Variants in SLCO5A1 observed in about 807,000 individuals in gnomAD.
SLCO5A1 encodes the protein organic anion transporter polypeptide-related protein 4.
In SLCO5A1, 39 loss-of-function variants were observed where a neutral mutation model predicts 65.1. The observed-to-expected ratio is 0.60, with a 90% CI of 0.46 to 0.78. SLCO5A1 has a LOEUF of 0.78. Ranked by LOEUF, SLCO5A1 falls within the 30% of genes least tolerant of loss-of-function variation. The pLI, the probability that SLCO5A1 is intolerant of heterozygous loss-of-function variation, is 0.00. For missense variants in SLCO5A1, 1,029 were observed against 1,069.4 expected (o/e 0.96, Z 0.53); for synonymous variants, 438 against 415.7 (o/e 1.05, Z -0.65).
chr8:69,812,064 A>G (rs764889213), intron 2 of SLCO5A1, among the ~76,000 whole-genome samples: 20 of 152,196 alleles, frequency 1.3e-4, no homozygotes, highest in Admixed American at 3.9e-4. Flanking sequence ...CAATTTACAA[A>G]TGCAAAAACT....
chr8:69,755,387 G>A (rs780929574), intron 4 of SLCO5A1, 37 bp downstream of exon 4: 3 of 1,566,622 alleles, frequency 1.9e-6, no homozygotes, highest in Admixed American at 3.4e-5. Context: ...ACTGATCAAA[G>A]TGCCATGCAT....
intron 2 of SLCO5A1, among the ~76,000 whole-genome samples, chr8:69,787,388 A>G (rs1418852915): frequency 6.6e-6 from 1 of 152,236 alleles, no homozygotes; most frequent in African/African-American, 2.4e-5. Flanking sequence ...CCTAGTTATC[A>G]GCATCCTCAT....
Position 69,686,238 on chromosome 8 carries a change from A to AAAAAAAAAAAAAAAG in SLCO5A1, c.1623-3896_1623-3895insCTTTTTTTTTTTTTT, listed in dbSNP as rs1159085565. Among the ~76,000 whole-genome samples the AAAAAAAAAAAAAAAG allele has an allele frequency of 1.5e-3, 224 of 151,926 alleles. 1 individual carries two copies. Among genetic ancestry groups the AAAAAAAAAAAAAAAG allele is most frequent in the African/African-American group, 4.7e-3 (196 of 41,328 alleles). On this transcript the variant is annotated intron_variant, in intron 6 of 9. Transcript: ENST00000260126. ...AGAACATGCTTCACACAGCAAAAAA[A>AAAAAAAAAAAAAAAG]AGAGAGAGAAGACCTCTTTAGCAAA...
rs1820129775 is a variant in SLCO5A1 at position 69,809,338 on chromosome 8, T to TA, written c.907+22428dup. On this transcript the variant is annotated intron_variant, in intron 2 of 9. Transcript: ENST00000260126. ...TGTATTTTTAGCCTAGTAACTCAGATAGAGTGACAATTTATCTTTTAAGTA... is the reference window on the plus strand; with the variant it reads ...TGTATTTTTAGCCTAGTAACTCAGATAAGAGTGACAATTTATCTTTTAAGTA... Among the ~76,000 whole-genome samples the TA allele has an allele frequency of 2.0e-5, 3 of 152,318 alleles. No individual in the cohort carries two copies. The South Asian group carries it at 6.2e-4, about 32-fold the overall frequency.
At chr8:69,802,405 C>T (rs776418560) in intron 2 of SLCO5A1, among the ~76,000 whole-genome samples, 3 of 151,264 alleles carry the variant, frequency 2.0e-5, no homozygotes, top group Non-Finnish European at 2.9e-5. Context: ...ACTCGGGAGG[C>T]GGAGGTGGGA....
intron 4 of SLCO5A1, among the ~76,000 whole-genome samples, chr8:69,753,818 C>T (rs1273906241): frequency 1.3e-5 from 2 of 151,412 alleles, no homozygotes; most frequent in Non-Finnish European, 2.9e-5. Context: ...CGAGACCAGC[C>T]TGGCCAACAT....
intron 2 of SLCO5A1, among the ~76,000 whole-genome samples, chr8:69,831,415 G>A (rs1232276494): frequency 1.3e-5 from 2 of 152,126 alleles, no homozygotes; most frequent in African/African-American, 2.4e-5. Flanking sequence ...TACACATGAG[G>A]TACTGCTATT....
At chr8:69,820,046 G>A (rs182700800) in intron 2 of SLCO5A1, among the ~76,000 whole-genome samples, 13 of 152,290 alleles carry the variant, frequency 8.5e-5, no homozygotes, top group East Asian at 1.9e-4. Context: ...TCGATATGAC[G>A]GGAGTCATTC....
intron 2 of SLCO5A1, among the ~76,000 whole-genome samples, chr8:69,768,512 C>T (rs1818177720): frequency 6.6e-6 from 1 of 152,174 alleles, no homozygotes; most frequent in African/African-American, 2.4e-5. Context: ...AAGAAACCGA[C>T]ATTGATTTCC....
intron 5 of SLCO5A1, among the ~76,000 whole-genome samples, chr8:69,707,281 C>T (rs1479970149): frequency 6.6e-6 from 1 of 152,134 alleles, no homozygotes; most frequent in Non-Finnish European, 1.5e-5. Context: ...GGGAGAGAGT[C>T]TTCCCTGGAT....
chr8:69,785,506 T>C (rs1198529396), intron 2 of SLCO5A1, among the ~76,000 whole-genome samples: 1 of 152,186 alleles, frequency 6.6e-6, no homozygotes, highest in African/African-American at 2.4e-5. Context: ...AGAGAATGAA[T>C]ACTTATAAAG....
At position 69,814,560 on chromosome 8, in the gene SLCO5A1, T is replaced by A. The variant is rs753314323; in HGVS notation, c.907+17207A>T. Among the ~76,000 whole-genome samples, 6 of 152,176 alleles carry A rather than the reference T, an allele frequency of 3.9e-5. No individual in the cohort carries two copies. The East Asian group carries it at 7.7e-4, about 20-fold the overall frequency. On this transcript the variant is annotated intron_variant, in intron 2 of 9. Transcript: ENST00000260126. ...GAAAACTTGTACACTGCTAATGGAA[T>A]GTAAATTAGTACAGCCATTATGGAA...
At chr8:69,769,118 G>T (rs1270783999) in intron 2 of SLCO5A1, among the ~76,000 whole-genome samples, 1 of 152,098 alleles carries the variant, frequency 6.6e-6, no homozygotes, top group Admixed American at 6.5e-5. Flanking sequence ...CCTAGAGCTA[G>T]CTCAGTGACC....
At chr8:69,742,811 T>C (rs1444719535) in intron 4 of SLCO5A1, among the ~76,000 whole-genome samples, 5 of 143,282 alleles carry the variant, frequency 3.5e-5, no homozygotes, top group Non-Finnish European at 7.6e-5. Flanking sequence ...TTTTTTTTTT[T>C]TTTTTTTGAG....
chr8:69,828,120 T>C (rs1759422718), intron 2 of SLCO5A1, among the ~76,000 whole-genome samples: 1 of 152,118 alleles, frequency 6.6e-6, no homozygotes, highest in Non-Finnish European at 1.5e-5. Context: ...ATCTCCATCT[T>C]ATAAGGTCAT....
In SLCO5A1 at chr8:69,738,035, C is replaced by T; in HGVS notation, c.1423+5G>A. 1 of 1,612,944 alleles carries T rather than the reference C, an allele frequency of 6.2e-7. No individual in the cohort carries two copies. Among genetic ancestry groups the T allele is most frequent in the Non-Finnish European group, 8.5e-7 (1 of 1,179,346 alleles). ...TTTCAAGCAGCCCTAGCGGCAGTGC[C>T]TTACCAGTGTAGATGCTGGCATTGG... is the stretch of plus-strand genomic sequence containing the variant. On this transcript the variant is annotated splice_donor_5th_base_variant and intron_variant, in intron 5 of 9. Transcript: ENST00000260126.
chr8:69,779,561 A>G (rs1039032506), intron 2 of SLCO5A1, among the ~76,000 whole-genome samples: 1 of 152,170 alleles, frequency 6.6e-6, no homozygotes, highest in Non-Finnish European at 1.5e-5. Context: ...CCTTTCAGAA[A>G]CTACACTAGG....
chr8:69,676,559 C>A, intron 9 of SLCO5A1, 50 bp downstream of exon 9: 1 of 1,512,512 alleles, frequency 6.6e-7, no homozygotes, highest in Non-Finnish European at 9.1e-7. Context: ...TGAAAATTTG[C>A]CATCTGCAAA....
At position 69,671,267 on chromosome 8, in the gene SLCO5A1, G is replaced by A. The variant is rs527839673; in HGVS notation, c.*1602C>T. The A allele has an allele frequency of 6.6e-6, 1 of 152,350 alleles. No homozygotes were observed. Among genetic ancestry groups the A allele is most frequent in the South Asian group, 2.1e-4 (1 of 4,826 alleles). 9.4% of individuals were successfully genotyped at this position (152,350 alleles called of 1,614,324 possible). On this transcript the variant is annotated 3_prime_UTR_variant, in exon 10 of 10. Coordinates refer to ENST00000260126, the MANE Select transcript of SLCO5A1 (RefSeq NM_030958.3). ...GGAGTATTTGCACAATTCCACCTGTGCAGTCAAGCAAGGTTGGAGAGCAGA... is the reference window on the plus strand; with the variant it reads ...GGAGTATTTGCACAATTCCACCTGTACAGTCAAGCAAGGTTGGAGAGCAGA...
Sources: gnomAD v4.1 joint callset for allele counts (sites outside exome capture counted in the v4.1 genomes callset) on GRCh38, gnomAD v4.1.1 for gene constraint, MANE v1.5 for transcripts, NCBI Gene and HGNC (gene_info 2026-07-23, HGNC 2026-07-21) for gene names.